ATG7: variants seen among roughly 807,000 people sequenced by gnomAD.
The protein encoded by ATG7 is autophagy related 7, also known as ubiquitin-like modifier-activating enzyme ATG7.
Under a neutral mutation model 82.4 loss-of-function variants are expected in ATG7, and 70 were observed. That is an observed-to-expected ratio of 0.85 (90% CI 0.70 to 1.04). The LOEUF is 1.04. Ranked by LOEUF, ATG7 falls within the 50% of genes least tolerant of loss-of-function variation. The pLI, the probability that ATG7 is intolerant of heterozygous loss-of-function variation, is 0.00. For missense variants in ATG7, 792 were observed against 864.3 expected (o/e 0.92, Z 1.05); for synonymous variants, 287 against 313.0 (o/e 0.92, Z 0.88).
At chr3:11,358,318 T>C in intron 14 of ATG7, 100 bp from the exon 15 acceptor site, 1 of 1,208,394 alleles carries the variant, frequency 8.3e-7, no homozygotes, top group Non-Finnish European at 1.2e-6. Context: ...CTCTCATGTA[T>C]GTGAACACAA....
chr3:11,548,316 A>G (rs1286146239), intron 20 of ATG7, among the ~76,000 whole-genome samples: 3 of 152,166 alleles, frequency 2.0e-5, no homozygotes, highest in Admixed American at 6.5e-5. Flanking sequence ...ATGATGTGCA[A>G]TTATTTTCTC....
At chr3:11,558,950 G>GT, downstream of ATG7, 4 of 1,222,446 alleles carry the variant, frequency 3.3e-6, no homozygotes, top group Non-Finnish European at 4.5e-6. Context: ...CGTGGGCTCT[G>GT]CAGACAGAAC....
chr3:11,479,360 A>G (rs2088653454), intron 20 of ATG7, among the ~76,000 whole-genome samples: 1 of 152,254 alleles, frequency 6.6e-6, no homozygotes, highest in Non-Finnish European at 1.5e-5. Context: ...GGCCGTGGCA[A>G]TAAAGTATTT....
downstream of ATG7, among the ~76,000 whole-genome samples, chr3:11,562,032 G>A (rs892197554): frequency 2.0e-5 from 3 of 151,740 alleles, no homozygotes; most frequent in African/African-American, 7.3e-5. Context: ...CGAGTAGCTG[G>A]GATTACAGGC....
intron 8 of ATG7, among the ~76,000 whole-genome samples, chr3:11,314,698 G>A (rs1284430672): frequency 6.6e-6 from 1 of 152,136 alleles, no homozygotes; most frequent in African/African-American, 2.4e-5. Context: ...ACTTTGGAAC[G>A]CAGAGGTGAG....
intron 19 of ATG7, among the ~76,000 whole-genome samples, chr3:11,421,393 A>G (rs1172343858): frequency 6.6e-6 from 1 of 152,226 alleles, no homozygotes; most frequent in African/African-American, 2.4e-5. Context: ...TGTCATTTCA[A>G]CAATGTTCAC....
intron 20 of ATG7, among the ~76,000 whole-genome samples, chr3:11,455,546 G>A (rs1031449143): frequency 9.2e-5 from 14 of 152,098 alleles, no homozygotes; most frequent in Non-Finnish European, 1.6e-4. Flanking sequence ...CCTTCTTCCG[G>A]TGACATCCAT....
chr3:11,415,064 A>T (rs924336457), intron 19 of ATG7, among the ~76,000 whole-genome samples: 5 of 152,272 alleles, frequency 3.3e-5, no homozygotes, highest in African/African-American at 1.2e-4. Flanking sequence ...CACCTAGGCT[A>T]TATGGCATAG....
chr3:11,316,504 T>C (rs1450890207), intron 9 of ATG7, among the ~76,000 whole-genome samples: 1 of 152,252 alleles, frequency 6.6e-6, no homozygotes, highest in African/African-American at 2.4e-5. Context: ...AGCATTATCA[T>C]GGTGTGGCCA....
chr3:11,406,228 G>A (rs981092840), intron 19 of ATG7, among the ~76,000 whole-genome samples: 3 of 152,098 alleles, frequency 2.0e-5, no homozygotes, highest in African/African-American at 7.2e-5. Context: ...GGACTCAAGT[G>A]ATCTGCCCAC....
chr3:11,497,367 A>ATGTATATG (rs561440651), intron 20 of ATG7, among the ~76,000 whole-genome samples: 5 of 69,550 alleles, frequency 7.2e-5, no homozygotes, highest in African/African-American at 2.0e-4. Context: ...CTATATATAT[A>ATGTATATG]TATATATATA....
At chr3:11,349,590 C>T (rs986068180) in intron 14 of ATG7, among the ~76,000 whole-genome samples, 2 of 151,898 alleles carry the variant, frequency 1.3e-5, no homozygotes, top group Admixed American at 6.6e-5. Context: ...CTTGTGAAAA[C>T]GAAAGGAATG....
chr3:11,310,201 A>G (rs1209520428), intron 7 of ATG7, among the ~76,000 whole-genome samples: 2 of 152,174 alleles, frequency 1.3e-5, no homozygotes, highest in African/African-American at 2.4e-5. Flanking sequence ...TGAAAAATAT[A>G]TAATATTAGC....
At chr3:11,360,828 C>T (rs749900686) in intron 16 of ATG7, 44 bp downstream of exon 16, 1 of 1,598,240 alleles carries the variant, frequency 6.3e-7, no homozygotes, top group Non-Finnish European at 8.6e-7. Flanking sequence ...CTATCACCAA[C>T]TTGTACACTG....
chr3:11,563,966 G>A, the ATG7 span, among the ~76,000 whole-genome samples: 9 of 152,258 alleles, frequency 5.9e-5, no homozygotes, highest in Non-Finnish European at 1.2e-4. Context: ...CCCCGGTGAG[G>A]CCACAGGGAC....
At chr3:11,387,863 A>G (rs985979088) in intron 19 of ATG7, among the ~76,000 whole-genome samples, 1 of 152,110 alleles carries the variant, frequency 6.6e-6, no homozygotes, top group Non-Finnish European at 1.5e-5. Flanking sequence ...CCAGCTACTC[A>G]GGAGGCTGAG....
At chr3:11,546,370 C>T (rs181560951) in intron 20 of ATG7, among the ~76,000 whole-genome samples, 2 of 152,136 alleles carry the variant, frequency 1.3e-5, no homozygotes, top group Admixed American at 1.3e-4. Flanking sequence ...GGGGGTTTTG[C>T]CATGTTGGCC....
chr3:11,427,834 AT>A (rs1190379360), intron 20 of ATG7, among the ~76,000 whole-genome samples: 1 of 150,042 alleles, frequency 6.7e-6, no homozygotes, highest in Non-Finnish European at 1.5e-5. Flanking sequence ...AAAAAAAATT[AT>A]TGTGTTTTTC....
chr3:11,534,424 C>T (rs2092751124), intron 20 of ATG7, among the ~76,000 whole-genome samples: 7 of 152,242 alleles, frequency 4.6e-5, no homozygotes, highest in Admixed American at 4.6e-4. Context: ...AGCATCTGTC[C>T]TCACATCTTC....
Sources: allele counts gnomAD v4.1 joint callset (sites outside exome capture counted in the v4.1 genomes callset), GRCh38; gene constraint gnomAD v4.1.1; transcripts MANE v1.5; gene names NCBI Gene and HGNC (gene_info 2026-07-23, HGNC 2026-07-21).